The following PPL variants were observed in gnomAD, a reference collection of about 807,000 sequenced individuals.
The protein encoded by PPL is 190 kDa paraneoplastic pemphigus antigen.
PPL carries 198 observed loss-of-function variants against 194.4 expected under a neutral mutation model. That is an observed-to-expected ratio of 1.02 (90% CI 0.91 to 1.15). The LOEUF (loss-of-function observed/expected upper bound fraction) is 1.15. Ranked by LOEUF, PPL falls within the 50% of genes most tolerant of loss-of-function variation. PPL has a pLI of 0.00. For synonymous variants in PPL, 1,220 were observed against 972.4 expected (o/e 1.25, Z -4.74); for missense variants, 2,885 against 2,294.8 (o/e 1.26, Z -5.25).
In PPL at chr16:4,926,854, G is replaced by A. The variant is rs574446238; in HGVS notation, c.62+10130C>T. On this transcript the variant is annotated intron_variant, in intron 1 of 21. Transcript: ENST00000345988. ...AGATTGTGCCACTGCACTCCAGCCT[G>A]GGCAACAGAGCAAGACTCTGTCTCA... Among the ~76,000 whole-genome samples the A allele has an allele frequency of 5.1e-5, 6 of 117,500 alleles. No individual in the cohort carries two copies. The South Asian group carries it at 1.7e-3, about 34-fold the overall frequency. The allele number at this position is 117,500 out of a possible 152,430, so 77.1% of individuals were successfully genotyped here.
At chr16:4,927,474 C>T (rs976702279) in intron 1 of PPL, among the ~76,000 whole-genome samples, 2 of 152,150 alleles carry the variant, frequency 1.3e-5, no homozygotes, top group Admixed American at 1.3e-4. Flanking sequence ...AATGTACAGC[C>T]AGGGATGAGA....
At chr16:4,925,190 G>C (rs1040373867) in intron 1 of PPL, among the ~76,000 whole-genome samples, 1 of 152,052 alleles carries the variant, frequency 6.6e-6, no homozygotes, top group African/African-American at 2.4e-5. Context: ...AGAAGGGGCT[G>C]GGCCTCCTGC....
chr16:4,900,855 A>C lies in PPL; in HGVS notation c.581T>G (p.Leu194Arg). The change falls in exon 6 of 22, where the codon CTC becomes CGC. Residue 194 changes from leucine (L) to arginine (R), a missense_variant. Leu to Arg is a moderately radical substitution (Grantham distance 102, BLOSUM62 -2). Transcript: ENST00000345988. Reference sequence around the variant, plus strand: ...CAGCAGTTTCTGGTACTTGGCCCGGAGTTCGCTGTTCTGCTCCTGAGGACA... The same window carrying C: ...CAGCAGTTTCTGGTACTTGGCCCGGCGTTCGCTGTTCTGCTCCTGAGGACA... ...KDGDKEQNSELRAKYQKLLAA... is the reference protein window; with the variant it reads ...KDGDKEQNSERRAKYQKLLAA... 6.2e-7 allele frequency: 1 copy of C among 1,614,018 alleles called. No homozygotes were observed. The highest frequency in any genetic ancestry group is 1.1e-5 in the South Asian group (1 of 91,078).
Position 4,883,424 on chromosome 16 carries a change from G to C in PPL, c.5231C>G (p.Ser1744Cys), listed in dbSNP as rs560425818. 1.2e-5 allele frequency: 19 copies of C among 1,614,030 alleles called. No homozygotes were observed. Among genetic ancestry groups the C allele is most frequent in the Non-Finnish European group, 1.5e-5 (18 of 1,180,036 alleles). The change falls in exon 22 of 22, where the codon TCC (serine) becomes TGC (cysteine). Residue 1744 changes from serine to cysteine, a missense_variant. Transcript: ENST00000345988. The surrounding 1 kb of genome is among the most constrained non-coding windows in gnomAD (Gnocchi z 4.8). ...TACCAAGACCGCCAGCTCCTGGATGGACATATCCTTGTTGACATAGCGGTC... is the reference window on the plus strand; with the variant it reads ...TACCAAGACCGCCAGCTCCTGGATGCACATATCCTTGTTGACATAGCGGTC... ...QYDRYVNKDM[S>C]IQELAVLVSG...
At chr16:4,903,014 T>C (rs2088608168) in intron 3 of PPL, among the ~76,000 whole-genome samples, 1 of 152,032 alleles carries the variant, frequency 6.6e-6, no homozygotes, top group Non-Finnish European at 1.5e-5. Context: ...CAACCTTCCT[T>C]CCCCCATCAG....
At chr16:4,904,264 C>G (rs2088637987) in intron 2 of PPL, among the ~76,000 whole-genome samples, 1 of 152,196 alleles carries the variant, frequency 6.6e-6, no homozygotes, top group African/African-American at 2.4e-5. Flanking sequence ...CTCTTATGCC[C>G]CCTCCAGCCT....
chr16:4,930,053 T>G (rs2089207913), intron 1 of PPL, among the ~76,000 whole-genome samples: 1 of 152,134 alleles, frequency 6.6e-6, no homozygotes, highest in African/African-American at 2.4e-5. Flanking sequence ...CTGTGTATGT[T>G]TCTAAAAATG....
chr16:4,934,656 C>T (rs899921694), intron 1 of PPL, among the ~76,000 whole-genome samples: 21 of 152,012 alleles, frequency 1.4e-4, no homozygotes, highest in African/African-American at 4.8e-4. Flanking sequence ...TGGAGCGGGC[C>T]CCTGGAAAAC....
At chr16:4,897,640 C>G in intron 9 of PPL, 35 bp downstream of exon 9, 1 of 1,553,380 alleles carries the variant, frequency 6.4e-7, no homozygotes, top group South Asian at 1.1e-5. Context: ...AGTAGCACCC[C>G]CGGTGCTGGG....
intron 11 of PPL, 108 bp from the exon 12 acceptor site, chr16:4,894,726 C>T: frequency 1.5e-6 from 2 of 1,297,298 alleles, no homozygotes; most frequent in African/African-American, 2.9e-5. Context: ...CCCGGCTCAT[C>T]ACTTGGACCC....
chr16:4,891,797 G>T lies in PPL; in HGVS notation c.1968+14C>A. ...CTCAGAGAAGGACTCCCAGGACTTGGGCCCTAGACTCACCGCCAGCTCCTG... is the reference window on the plus strand; with the variant it reads ...CTCAGAGAAGGACTCCCAGGACTTGTGCCCTAGACTCACCGCCAGCTCCTG... On this transcript the variant is annotated intron_variant, in intron 16 of 21. Transcript: ENST00000345988. The T allele has an allele frequency of 1.3e-6, 2 of 1,598,950 alleles. No homozygotes were observed. Among genetic ancestry groups the T allele is most frequent in the Non-Finnish European group, 1.7e-6 (2 of 1,173,522 alleles).
Position 4,883,683 on chromosome 16 carries a change from T to C in PPL, c.4972A>G (p.Ile1658Val), listed in dbSNP as rs552285486. Reference protein sequence around the residue: ...EQRENHLRRSIVVIHPDTGRE... With the variant: ...EQRENHLRRSVVVIHPDTGRE... Reference sequence around the variant, plus strand: ...CCTGTGTCAGGGTGGATGACTACGATGGAGCGCCGCAGGTGGTTCTCCCGC... The same window carrying C: ...CCTGTGTCAGGGTGGATGACTACGACGGAGCGCCGCAGGTGGTTCTCCCGC... The change falls in exon 22 of 22, where the codon ATC becomes GTC. Residue 1658 changes from isoleucine to valine, a missense_variant. Transcript: ENST00000345988. This position sits in a 1 kb window ranked among gnomAD's most constrained non-coding sequence, Gnocchi z 4.8. 5.6e-6 allele frequency: 9 copies of C among 1,614,168 alleles called. No individual in the cohort carries two copies. The South Asian group carries it at 7.7e-5, about 14-fold the overall frequency.
chr16:4,917,963 A>G (rs2142400915), intron 1 of PPL, among the ~76,000 whole-genome samples: 1 of 149,508 alleles, frequency 6.7e-6, no homozygotes, highest in South Asian at 2.1e-4. Flanking sequence ...TGATATATGA[A>G]TTACATCACA....
chr16:4,929,781 G>C (rs577963165), intron 1 of PPL, among the ~76,000 whole-genome samples: 1 of 152,074 alleles, frequency 6.6e-6, no homozygotes, highest in East Asian at 1.9e-4. Context: ...TGAATTCCTG[G>C]ACTCAGGGAT....
chr16:4,891,837 G>A lies in PPL; in HGVS notation c.1942C>T (p.Leu648=). The change falls in exon 16 of 22, where the codon CTG becomes TTG. Residue 648 remains leucine (L), a synonymous_variant. Transcript: ENST00000345988. The stretch of plus-strand genomic sequence containing the variant: ...GCCAGCTCCTGCCCCTTGCTGTCCA[G>A]GACACGGCTGCTCTCAGGCACTGTG... ...DDTVPESSRV[L]DSKGQELAAM... The A allele has an allele frequency of 1.2e-6, 2 of 1,613,082 alleles. No individual in the cohort carries two copies. The highest frequency in any genetic ancestry group is 1.7e-6 in the Non-Finnish European group (2 of 1,179,814).
intron 1 of PPL, among the ~76,000 whole-genome samples, chr16:4,925,861 G>C (rs1156861819): frequency 6.6e-6 from 1 of 152,200 alleles, no homozygotes; most frequent in African/African-American, 2.4e-5. Flanking sequence ...ACATCGGAGA[G>C]ACAGGATGAT....
intron 1 of PPL, among the ~76,000 whole-genome samples, chr16:4,936,772 G>A (rs913600313): frequency 1.3e-5 from 2 of 152,242 alleles, no homozygotes; most frequent in Middle Eastern, 3.4e-3. Flanking sequence ...CTCCCCCTCG[G>A]GGACCCCAGC....
rs188021890 is a variant in PPL, at chr16:4,904,108, G to T, written c.163-68C>A. On this transcript the variant is annotated intron_variant, in intron 2 of 21. Transcript: ENST00000345988. ...AGCGGGCACGGTGGCAATGGGAGGGGTGGGAGGAAAGGGGTCAGCAGGGTG... is the reference window on the plus strand; with the variant it reads ...AGCGGGCACGGTGGCAATGGGAGGGTTGGGAGGAAAGGGGTCAGCAGGGTG... The T allele has an allele frequency of 3.7e-4, 566 of 1,520,388 alleles. 5 individuals carry two copies. In the African/African-American group the frequency reaches 6.5e-3, roughly 17 times the overall value. 94.2% of individuals were successfully genotyped at this position (1,520,388 alleles called of 1,614,324 possible). A position where few individuals can be genotyped will look rare whatever the true frequency, so the allele number is the denominator to read the frequency against.
intron 1 of PPL, among the ~76,000 whole-genome samples, chr16:4,914,486 C>T (rs977335052): frequency 6.6e-6 from 1 of 152,180 alleles, no homozygotes; most frequent in Non-Finnish European, 1.5e-5. Context: ...GTCTAGGTTC[C>T]ACACCTTGCT....
Sources: allele counts gnomAD v4.1 joint callset (sites outside exome capture counted in the v4.1 genomes callset), GRCh38; gene constraint gnomAD v4.1.1; non-coding constraint Gnocchi (gnomAD v3.1); transcripts MANE v1.5; gene names NCBI Gene and HGNC (gene_info 2026-07-23, HGNC 2026-07-21).